GRB2: variants seen among roughly 807,000 people sequenced by gnomAD.
GRB2 encodes the protein growth factor receptor bound protein 2.
Under a neutral mutation model 27.4 loss-of-function variants are expected in GRB2, and 2 were observed. That is an observed-to-expected ratio of 0.07 (90% CI 0.03 to 0.23). The LOEUF (loss-of-function observed/expected upper bound fraction) is 0.23, where lower values mean the gene tolerates loss of function less well. Ranked by LOEUF, GRB2 falls within the 10% of genes least tolerant of loss-of-function variation. The probability of loss-of-function intolerance (pLI) is 1.00; values close to 1 mark genes in which losing one functional copy is unlikely to be tolerated. For synonymous variants in GRB2, 94 were observed against 99.6 expected (o/e 0.94, Z 0.33); for missense variants, 102 against 282.4 (o/e 0.36, Z 4.58).
At chr17:75,380,714 T>A (rs1264029766) in intron 2 of GRB2, among the ~76,000 whole-genome samples, 1 of 152,198 alleles carries the variant, frequency 6.6e-6, no homozygotes, top group African/African-American at 2.4e-5. Flanking sequence ...TAATCACTTA[T>A]TAATTTAACC....
In GRB2 at chr17:75,368,252, G is replaced by A. The variant is rs1385830450; in HGVS notation, c.78+25299C>T. Reference sequence around the variant, plus strand: ...TTTTTGAGACAGAGTCTCTCACTCTGTCACCCAGGCTAGAGTGCAGTGATG... The same window carrying A: ...TTTTTGAGACAGAGTCTCTCACTCTATCACCCAGGCTAGAGTGCAGTGATG... On this transcript the variant is annotated intron_variant, in intron 2 of 5. Coordinates refer to ENST00000316804, the MANE Select transcript of GRB2 (RefSeq NM_002086.5). Among the ~76,000 whole-genome samples, 17 of 135,476 alleles carry A rather than the reference G, an allele frequency of 1.3e-4. 1 individual carries two copies. The Admixed American group carries it at 1.4e-3, about 11-fold the overall frequency. The allele number at this position is 135,476 out of a possible 152,430, so 88.9% of individuals were successfully genotyped here.
intron 1 of GRB2, among the ~76,000 whole-genome samples, chr17:75,401,586 G>A (rs970279648): frequency 7.9e-5 from 12 of 151,822 alleles, no homozygotes; most frequent in Non-Finnish European, 1.2e-4. Flanking sequence ...TACTTTTGTA[G>A]TTACAACACA....
chr17:75,330,810 C>T (rs1256857090), intron 3 of GRB2, among the ~76,000 whole-genome samples: 1 of 152,122 alleles, frequency 6.6e-6, no homozygotes, highest in African/African-American at 2.4e-5. Flanking sequence ...TACTACATCC[C>T]GTAGGCTCCC....
At chr17:75,399,403 T>C (rs1254009004) in intron 1 of GRB2, among the ~76,000 whole-genome samples, 2 of 148,706 alleles carry the variant, frequency 1.3e-5, no homozygotes, top group Non-Finnish European at 3.0e-5. Context: ...AGTCTCGCTT[T>C]GTCACCCAGG....
chr17:75,333,940 A>T (rs1423682558), intron 2 of GRB2, among the ~76,000 whole-genome samples: 1 of 152,142 alleles, frequency 6.6e-6, no homozygotes, highest in Non-Finnish European at 1.5e-5. Context: ...TCATATTTCC[A>T]ATGACCGTTC....
At chr17:75,326,949 T>C (rs527636711) in intron 3 of GRB2, among the ~76,000 whole-genome samples, 5 of 152,196 alleles carry the variant, frequency 3.3e-5, no homozygotes, top group Admixed American at 6.5e-5. Context: ...GCAAAAGTTA[T>C]AGCAAATAAA....
rs2078452348 is a variant in GRB2, at chr17:75,320,641, G to A, written c.469-88C>T. 7 of 900,010 alleles carry A rather than the reference G, an allele frequency of 7.8e-6. No individual in the cohort carries two copies. Among genetic ancestry groups the A allele is most frequent in the East Asian group, 2.4e-5 (1 of 40,884 alleles). 55.8% of individuals were successfully genotyped at this position (900,010 alleles called of 1,614,324 possible). On this transcript the variant is annotated intron_variant, in intron 5 of 5. Transcript: ENST00000316804. This position sits in a 1 kb window ranked among gnomAD's most constrained non-coding sequence, Gnocchi z 4.3. The stretch of plus-strand genomic sequence containing the variant: ...GGCCAGATGGGTTCCAGGGGGAAAC[G>A]AATGCGTGCCAAATTCTCCATGTTT...
In GRB2 at chr17:75,353,210, G is replaced by C. The variant is rs538394743; in HGVS notation, c.79-20413C>G. On this transcript the variant is annotated intron_variant, in intron 2 of 5. Coordinates refer to ENST00000316804, the MANE Select transcript of GRB2 (RefSeq NM_002086.5). ...AAAAAAAAAAAAAAAAGACACAGTT[G>C]TACCTTGTATTCATGGGGGACTGGT... Among the ~76,000 whole-genome samples the C allele has an allele frequency of 5.3e-4, 80 of 149,846 alleles. No individual in the cohort carries two copies. The East Asian group carries it at 0.015, about 29-fold the overall frequency.
At chr17:75,325,219 G>A (rs1016195648) in intron 4 of GRB2, among the ~76,000 whole-genome samples, 1 of 152,082 alleles carries the variant, frequency 6.6e-6, no homozygotes, top group Admixed American at 6.6e-5. Flanking sequence ...GTGATCTGCC[G>A]GACTCCTGGG....
At chr17:75,327,640 A>G (rs1222090384) in intron 3 of GRB2, among the ~76,000 whole-genome samples, 2 of 151,900 alleles carry the variant, frequency 1.3e-5, no homozygotes, top group Admixed American at 1.3e-4. Flanking sequence ...AAGTGCTGGG[A>G]TTAAAGTCGC....
intron 1 of GRB2, among the ~76,000 whole-genome samples, chr17:75,395,393 T>C (rs941038542): frequency 2.0e-5 from 3 of 152,156 alleles, no homozygotes; most frequent in Admixed American, 6.6e-5. Context: ...TATTAAAAAA[T>C]ACAGAGGTTG....
chr17:75,346,578 C>CTTTTTTTT (rs775027742), intron 2 of GRB2, among the ~76,000 whole-genome samples: 1 of 68,724 alleles, frequency 1.5e-5, no homozygotes, highest in Non-Finnish European at 2.5e-5. Flanking sequence ...CTTTTCTTGC[C>CTTTTTTTT]TTTTTTTTTT....
intron 2 of GRB2, among the ~76,000 whole-genome samples, chr17:75,370,414 C>G (rs113459344): frequency 3.9e-5 from 6 of 152,318 alleles, no homozygotes; most frequent in African/African-American, 1.2e-4. Context: ...CTTCTGACTT[C>G]AATATCTTGT....
intron 3 of GRB2, among the ~76,000 whole-genome samples, chr17:75,328,687 C>T (rs900506812): frequency 5.6e-5 from 8 of 142,248 alleles, no homozygotes; most frequent in Admixed American, 1.4e-4. Context: ...GCCTGTAATC[C>T]CAGCACTTTG....
chr17:75,330,471 C>G (rs1169090103), intron 3 of GRB2, among the ~76,000 whole-genome samples: 1 of 149,020 alleles, frequency 6.7e-6, no homozygotes, highest in African/African-American at 2.6e-5. Context: ...GCCAAGAGCT[C>G]GAGATCAGCT....
At chr17:75,327,073 C>CTTTTT (rs66526663) in intron 3 of GRB2, among the ~76,000 whole-genome samples, 1 of 135,826 alleles carries the variant, frequency 7.4e-6, no homozygotes, top group Non-Finnish European at 1.5e-5. Flanking sequence ...CATATCTTTT[C>CTTTTT]TTTTTTTTTT....
chr17:75,344,598 G>C (rs2078642687), intron 2 of GRB2, among the ~76,000 whole-genome samples: 2 of 151,994 alleles, frequency 1.3e-5, no homozygotes, highest in African/African-American at 2.4e-5. Flanking sequence ...CATCAAGTTG[G>C]CCAGGCTGGT....
Position 75,393,686 on chromosome 17 carries a change from T to C in GRB2, c.-58A>G, listed in dbSNP as rs1471577005. 1 of 1,385,774 alleles carries C rather than the reference T, an allele frequency of 7.2e-7. No homozygotes were observed. Among genetic ancestry groups the C allele is most frequent in the African/African-American group, 1.4e-5 (1 of 70,686 alleles). The allele number at this position is 1,385,774 out of a possible 1,614,324, so 85.8% of individuals were successfully genotyped here. A position where few individuals can be genotyped will look rare whatever the true frequency, so the allele number is the denominator to read the frequency against. On this transcript the variant is annotated 5_prime_UTR_variant, in exon 2 of 6. Transcript: ENST00000316804. ...GCAGGGGGAAGGGAGTCTTCCCTGC[T>C]GAAGCAACCCAGCGCTCTGGGCTTA...
At chr17:75,395,116 AG>A (rs2079021802) in intron 1 of GRB2, among the ~76,000 whole-genome samples, 1 of 152,202 alleles carries the variant, frequency 6.6e-6, no homozygotes, top group African/African-American at 2.4e-5. Context: ...TTTGTTCTAA[AG>A]TTGACAATTG....
Sources: allele counts gnomAD v4.1 joint callset (sites outside exome capture counted in the v4.1 genomes callset), GRCh38; gene constraint gnomAD v4.1.1; non-coding constraint Gnocchi (gnomAD v3.1); transcripts MANE v1.5; gene names NCBI Gene and HGNC (gene_info 2026-07-23, HGNC 2026-07-21).